Variants in COL24A1 observed in about 807,000 individuals in gnomAD.
COL24A1 encodes collagen alpha-1(XXIV) chain.
Under a neutral mutation model 253.9 loss-of-function variants are expected in COL24A1, and 224 were observed. The observed-to-expected ratio is 0.88, with a 90% CI of 0.79 to 0.99. The LOEUF (loss-of-function observed/expected upper bound fraction) is 0.99. Among genes scored for constraint, COL24A1 ranks in the 50% least tolerant of loss-of-function variants. COL24A1 has a pLI of 0.00. For missense variants in COL24A1, 2,131 were observed against 2,068.5 expected (o/e 1.03, Z -0.59); for synonymous variants, 685 against 673.7 (o/e 1.02, Z -0.26).
intron 43 of COL24A1, among the ~76,000 whole-genome samples, chr1:85,823,953 T>C (rs929293110): frequency 6.6e-6 from 1 of 150,990 alleles, no homozygotes; most frequent in Non-Finnish European, 1.5e-5. Flanking sequence ...TCTTTCTTTC[T>C]TTTTTTTTAA....
chr1:86,033,957 T>C lies in COL24A1; in HGVS notation c.1951-34A>G, dbSNP rs781165519. 2.7e-6 allele frequency: 4 copies of C among 1,490,936 alleles called. No homozygotes were observed. In the African/African-American group the frequency reaches 4.3e-5, roughly 16 times the overall value. The allele number at this position is 1,490,936 out of a possible 1,614,324, so 92.4% of individuals were successfully genotyped here. On this transcript the variant is annotated intron_variant, in intron 12 of 59. Coordinates refer to ENST00000370571, the MANE Select transcript of COL24A1 (RefSeq NM_152890.7). ...GGGAAAGAGGAAGAATGCCAACATA[T>C]ATAAATAATTCATTTTTGCTGTATT... is the stretch of plus-strand genomic sequence containing the variant.
intron 19 of COL24A1, among the ~76,000 whole-genome samples, chr1:86,007,882 T>G: frequency 6.6e-6 from 1 of 152,134 alleles, no homozygotes; most frequent in East Asian, 1.9e-4. Flanking sequence ...AATAATATAA[T>G]GGTAGATCAT....
chr1:85,862,173 T>C (rs940165442), intron 37 of COL24A1, among the ~76,000 whole-genome samples: 17 of 152,206 alleles, frequency 1.1e-4, no homozygotes, highest in African/African-American at 3.9e-4. Context: ...CAGTGATCTT[T>C]TAATCTTTCA....
At chr1:86,022,489 G>C in intron 17 of COL24A1, 49 bp downstream of exon 17, 1 of 1,503,554 alleles carries the variant, frequency 6.7e-7, no homozygotes, top group Non-Finnish European at 9.2e-7. Context: ...TCTTTCTTTT[G>C]AATTTACACT....
At chr1:85,748,442 G>A (rs1486177609) in intron 55 of COL24A1, among the ~76,000 whole-genome samples, 2 of 152,116 alleles carry the variant, frequency 1.3e-5, no homozygotes, top group East Asian at 3.8e-4. Flanking sequence ...CAAAAGTGGT[G>A]GAATAATAGC....
intron 43 of COL24A1, among the ~76,000 whole-genome samples, chr1:85,832,161 T>C (rs933303999): frequency 4.6e-5 from 7 of 152,004 alleles, no homozygotes; most frequent in South Asian, 2.1e-4. Context: ...CCAGTTTTCC[T>C]AGCACCATTT....
intron 37 of COL24A1, among the ~76,000 whole-genome samples, chr1:85,860,574 T>C (rs1444261202): frequency 1.3e-5 from 2 of 152,146 alleles, no homozygotes; most frequent in Admixed American, 1.3e-4. Context: ...ATCCCATCTC[T>C]ACTAAAAATA....
At chr1:85,899,756 G>C (rs572426226) in intron 28 of COL24A1, among the ~76,000 whole-genome samples, 2 of 152,292 alleles carry the variant, frequency 1.3e-5, no homozygotes, top group African/African-American at 4.8e-5. Context: ...CATCTAGCTG[G>C]AGTAAGTCTC....
Position 85,781,287 on chromosome 1 carries a change from A to G in COL24A1, c.4285-14T>C, listed in dbSNP as rs372131800. 8 of 1,588,992 alleles carry G rather than the reference A, an allele frequency of 5.0e-6. No individual in the cohort carries two copies. The highest frequency in any genetic ancestry group is 6.8e-6 in the Non-Finnish European group (8 of 1,168,032). ...ACCAGTGTTTCCCTGTTGAGGTAAAAGAAAAACAGTCTCACTGTTAGTATA... is the reference window on the plus strand; with the variant it reads ...ACCAGTGTTTCCCTGTTGAGGTAAAGGAAAAACAGTCTCACTGTTAGTATA... On this transcript the variant is annotated splice_polypyrimidine_tract_variant and intron_variant, in intron 51 of 59. Coordinates refer to ENST00000370571, the MANE Select transcript of COL24A1 (RefSeq NM_152890.7).
At chr1:86,037,515 C>T (rs535112594) in intron 12 of COL24A1, among the ~76,000 whole-genome samples, 3 of 152,200 alleles carry the variant, frequency 2.0e-5, no homozygotes, top group South Asian at 4.1e-4. Flanking sequence ...AGCCAAGAGC[C>T]GGCAAAAAGC....
At chr1:86,026,205 C>A (rs1413872470) in intron 14 of COL24A1, among the ~76,000 whole-genome samples, 1 of 152,110 alleles carries the variant, frequency 6.6e-6, no homozygotes, top group Non-Finnish European at 1.5e-5. Flanking sequence ...CTTTACAACT[C>A]ATTGAGGAGC....
intron 43 of COL24A1, among the ~76,000 whole-genome samples, chr1:85,833,994 A>G (rs576238242): frequency 6.6e-6 from 1 of 151,130 alleles, no homozygotes; most frequent in East Asian, 2.0e-4. Flanking sequence ...AAGGGATAGC[A>G]TTAGGAGCTA....
intron 55 of COL24A1, among the ~76,000 whole-genome samples, chr1:85,755,842 T>C (rs1666182066): frequency 6.6e-6 from 1 of 151,758 alleles, no homozygotes; most frequent in Non-Finnish European, 1.5e-5. Flanking sequence ...TTTGCAATGA[T>C]TTCTTGGAAT....
At chr1:86,097,526 C>T (rs192140019) in intron 5 of COL24A1, among the ~76,000 whole-genome samples, 19 of 6,992 alleles carry the variant, frequency 2.7e-3, no homozygotes, top group South Asian at 7.7e-3. Flanking sequence ...CCTCCTCCCT[C>T]CTCCCTCCTC....
chr1:85,923,108 A>G (rs574399643), intron 24 of COL24A1, among the ~76,000 whole-genome samples: 2 of 152,364 alleles, frequency 1.3e-5, no homozygotes, highest in Admixed American at 6.5e-5. Flanking sequence ...TCAATTCCAC[A>G]AGAAGAGCTA....
chr1:85,948,751 G>T (rs1689596966), intron 24 of COL24A1, among the ~76,000 whole-genome samples: 1 of 150,832 alleles, frequency 6.6e-6, no homozygotes, highest in African/African-American at 2.4e-5. Context: ...CCAAAACCTG[G>T]CAGAGATACA....
At chr1:86,081,812 T>C (rs977660864) in intron 7 of COL24A1, among the ~76,000 whole-genome samples, 3 of 152,190 alleles carry the variant, frequency 2.0e-5, no homozygotes, top group African/African-American at 7.2e-5. Context: ...TGACGCTATG[T>C]AATTAAATTG....
chr1:86,070,787 G>T (rs1368716259), intron 7 of COL24A1, among the ~76,000 whole-genome samples: 1 of 151,946 alleles, frequency 6.6e-6, no homozygotes, highest in Non-Finnish European at 1.5e-5. Context: ...ACAAACAAAA[G>T]TTAATGGATT....
At chr1:86,080,956 A>G (rs1032155363) in intron 7 of COL24A1, among the ~76,000 whole-genome samples, 1 of 152,176 alleles carries the variant, frequency 6.6e-6, no homozygotes, top group African/African-American at 2.4e-5. Context: ...TTAATAACCA[A>G]TGGGAAAATT....
Sources: allele counts gnomAD v4.1 joint callset (sites outside exome capture counted in the v4.1 genomes callset), GRCh38; gene constraint gnomAD v4.1.1; transcripts MANE v1.5; gene names NCBI Gene and HGNC (gene_info 2026-07-23, HGNC 2026-07-21).